MCPH1: variants seen among roughly 807,000 people sequenced by gnomAD.
MCPH1 encodes the protein microcephalin 1.
MCPH1 carries 104 observed loss-of-function variants against 84.5 expected under a neutral mutation model. The observed-to-expected ratio is 1.23, with a 90% CI of 1.05 to 1.45. The LOEUF is 1.45. Ranked by LOEUF, MCPH1 falls within the 40% of genes most tolerant of loss-of-function variation. MCPH1 has a pLI of 0.00. For missense variants in MCPH1, 1,498 were observed against 1,005.7 expected (o/e 1.49, Z -6.62); for synonymous variants, 514 against 366.8 (o/e 1.40, Z -4.58).
intron 8 of MCPH1, among the ~76,000 whole-genome samples, chr8:6,452,376 A>T (rs1217222463): frequency 6.6e-6 from 1 of 152,264 alleles, no homozygotes; most frequent in African/African-American, 2.4e-5. Context: ...GTGAAATTTC[A>T]GATAACTGAA....
chr8:6,454,263 G>T (rs1014142281), intron 8 of MCPH1, among the ~76,000 whole-genome samples: 1 of 152,174 alleles, frequency 6.6e-6, no homozygotes, highest in East Asian at 1.9e-4. Flanking sequence ...CATCTCCAGT[G>T]GGTAGATGAT....
intron 12 of MCPH1, among the ~76,000 whole-genome samples, chr8:6,613,958 T>G (rs1217154246): frequency 2.6e-5 from 4 of 152,062 alleles, no homozygotes; most frequent in Non-Finnish European, 5.9e-5. Context: ...ACCAGAATAG[T>G]TAATGGTGTG....
chr8:6,532,492 A>C, intron 12 of MCPH1: 1 of 1,610,834 alleles, frequency 6.2e-7, no homozygotes, highest in Non-Finnish European at 8.5e-7. Flanking sequence ...CTCAAGCTAG[A>C]AAAGAACAGT....
At chr8:6,594,161 C>A (rs191860350) in intron 12 of MCPH1, among the ~76,000 whole-genome samples, 8 of 152,326 alleles carry the variant, frequency 5.3e-5, no homozygotes, top group African/African-American at 1.9e-4. Context: ...CCTAGCCTGG[C>A]CTCCCAGGAG....
chr8:6,511,899 CT>C (rs34089402), intron 12 of MCPH1, among the ~76,000 whole-genome samples: 57,447 of 141,832 alleles, frequency 0.41, 11,545 homozygotes, highest in Middle Eastern at 0.54. Flanking sequence ...TTTTGTGCTT[CT>C]TTTTTTTTTT....
intron 13 of MCPH1, among the ~76,000 whole-genome samples, chr8:6,640,059 C>CGT (rs147642349): frequency 0.24 from 32,191 of 134,060 alleles, 4,004 homozygotes; most frequent in East Asian, 0.31. Flanking sequence ...ATTTTAAACT[C>CGT]GTGTGTGTGT....
intron 12 of MCPH1, among the ~76,000 whole-genome samples, chr8:6,547,256 A>T (rs1188982149): frequency 6.6e-6 from 1 of 152,188 alleles, no homozygotes; most frequent in Non-Finnish European, 1.5e-5. Context: ...TTCGGGAAGT[A>T]AACTTTCAGT....
chr8:6,432,702 A>C (rs148851101), intron 4 of MCPH1, among the ~76,000 whole-genome samples: 3 of 152,344 alleles, frequency 2.0e-5, no homozygotes, highest in Non-Finnish European at 4.4e-5. Flanking sequence ...TTTCCTGAAA[A>C]TAGTAAATGA....
At chr8:6,549,446 G>A (rs935481186) in intron 12 of MCPH1, among the ~76,000 whole-genome samples, 2 of 152,222 alleles carry the variant, frequency 1.3e-5, no homozygotes, top group Non-Finnish European at 2.9e-5. Context: ...GTTGAGAAGA[G>A]GGGGATATTG....
intron 3 of MCPH1, among the ~76,000 whole-genome samples, chr8:6,423,928 G>T (rs1275717863): frequency 1.3e-5 from 2 of 152,146 alleles, no homozygotes; most frequent in African/African-American, 4.8e-5. Flanking sequence ...GACTTTTAGT[G>T]AGCTTGAATT....
At chr8:6,637,087 G>A (rs973657482) in intron 13 of MCPH1, among the ~76,000 whole-genome samples, 5 of 152,178 alleles carry the variant, frequency 3.3e-5, no homozygotes, top group African/African-American at 4.8e-5. Flanking sequence ...ACAACACATG[G>A]TATCAGGTCA....
At chr8:6,473,320 CTTTTTTTTTTTTT>C (rs56077837) in intron 9 of MCPH1, among the ~76,000 whole-genome samples, 4 of 76,396 alleles carry the variant, frequency 5.2e-5, no homozygotes, top group Admixed American at 2.3e-4. Context: ...TCTCTCAATC[CTTTTTTTTTTTTT>C]TTTTTTTTTT....
At chr8:6,592,562 G>T (rs1279915477) in intron 12 of MCPH1, among the ~76,000 whole-genome samples, 1 of 147,380 alleles carries the variant, frequency 6.8e-6, no homozygotes, top group African/African-American at 2.5e-5. Context: ...AGTAACTGCT[G>T]TCCTGAATTT....
intron 5 of MCPH1, among the ~76,000 whole-genome samples, chr8:6,437,793 T>A (rs76689721): frequency 3.9e-5 from 6 of 152,126 alleles, no homozygotes; most frequent in African/African-American, 1.4e-4. Context: ...TGGCCCTGCT[T>A]CTGAAATAGT....
At chr8:6,428,807 A>G (rs1585699047) in intron 3 of MCPH1, among the ~76,000 whole-genome samples, 2 of 152,244 alleles carry the variant, frequency 1.3e-5, no homozygotes, top group African/African-American at 4.8e-5. Flanking sequence ...ATGAAAAACA[A>G]TGGTCTCTTT....
chr8:6,537,153 A>G (rs1163895836), intron 12 of MCPH1, among the ~76,000 whole-genome samples: 3 of 152,102 alleles, frequency 2.0e-5, no homozygotes, highest in Non-Finnish European at 4.4e-5. Context: ...CCAATTTCAC[A>G]TGCATAGCAT....
intron 9 of MCPH1, among the ~76,000 whole-genome samples, chr8:6,462,159 A>G (rs1806364704): frequency 6.6e-6 from 1 of 152,236 alleles, no homozygotes; most frequent in Admixed American, 6.5e-5. Context: ...TTATTTTGAT[A>G]GTGGTTTAAA....
intron 1 of MCPH1, among the ~76,000 whole-genome samples, chr8:6,408,215 T>A (rs1798013429): frequency 6.6e-6 from 1 of 152,222 alleles, no homozygotes; most frequent in Non-Finnish European, 1.5e-5. Flanking sequence ...CTGAAGCTAT[T>A]TTGAAAAGGC....
intron 12 of MCPH1, among the ~76,000 whole-genome samples, chr8:6,594,182 C>T (rs566557528): frequency 1.3e-5 from 2 of 152,348 alleles, no homozygotes; most frequent in East Asian, 1.9e-4. Flanking sequence ...CCCCCGCTCC[C>T]CGTGTGCCCA....
Sources: gnomAD v4.1 joint callset for allele counts (sites outside exome capture counted in the v4.1 genomes callset) on GRCh38, gnomAD v4.1.1 for gene constraint, MANE v1.5 for transcripts, NCBI Gene and HGNC (gene_info 2026-07-23, HGNC 2026-07-21) for gene names.